The following OCA2 variants were observed in gnomAD, a reference collection of about 807,000 sequenced individuals.
The protein encoded by OCA2 is P protein.
OCA2 carries 77 observed loss-of-function variants against 100.2 expected under a neutral mutation model. That is an observed-to-expected ratio of 0.77 (90% confidence interval 0.64 to 0.93). The LOEUF (loss-of-function observed/expected upper bound fraction) is 0.93. OCA2 is among the 40% of genes least tolerant of loss of function. The probability of loss-of-function intolerance (pLI) is 0.00; values close to 1 mark genes in which losing one functional copy is unlikely to be tolerated. For missense variants in OCA2, 1,062 were observed against 1,089.1 expected (o/e 0.98, Z 0.35); for synonymous variants, 432 against 439.2 (o/e 0.98, Z 0.21).
chr15:28,030,960 GA>G (rs2042892126), intron 3 of OCA2, among the ~76,000 whole-genome samples: 1 of 152,168 alleles, frequency 6.6e-6, no homozygotes. Flanking sequence ...GGGCACGAGA[GA>G]AGACCCCTTC....
intron 2 of OCA2, among the ~76,000 whole-genome samples, chr15:28,039,149 A>G (rs2043130042): frequency 8.1e-6 from 1 of 123,962 alleles, no homozygotes; most frequent in Non-Finnish European, 1.5e-5. Context: ...TTAGAGCTCC[A>G]AAATATATGA....
At chr15:28,036,258 A>G (rs1712334589) in intron 2 of OCA2, among the ~76,000 whole-genome samples, 1 of 152,190 alleles carries the variant, frequency 6.6e-6, no homozygotes, top group African/African-American at 2.4e-5. Context: ...CCTGGTAGAT[A>G]ACTCTTTGTG....
intron 19 of OCA2, among the ~76,000 whole-genome samples, chr15:27,904,346 T>C (rs2038085799): frequency 6.6e-6 from 1 of 152,128 alleles, no homozygotes; most frequent in Admixed American, 6.5e-5. Flanking sequence ...CTCCCGACCA[T>C]GCTGGGGCCT....
intron 23 of OCA2, among the ~76,000 whole-genome samples, chr15:27,767,266 G>A (rs1045931312): frequency 1.3e-5 from 2 of 151,744 alleles, no homozygotes; most frequent in African/African-American, 4.8e-5. Context: ...CTGGCCTAAA[G>A]AGTTCCCTTC....
At chr15:27,992,388 C>A (rs1341121581) in intron 9 of OCA2, among the ~76,000 whole-genome samples, 8 of 152,214 alleles carry the variant, frequency 5.3e-5, no homozygotes, top group African/African-American at 1.9e-4. Flanking sequence ...GCATGAGCCA[C>A]CGCGCCCAGC....
the OCA2 span, among the ~76,000 whole-genome samples, chr15:27,723,681 T>C: frequency 2.6e-5 from 4 of 152,138 alleles, no homozygotes; most frequent in African/African-American, 9.7e-5. Flanking sequence ...CCTCCGCCCA[T>C]CCTTGGTGAG....
At chr15:27,953,592 G>T (rs1458047282) in intron 17 of OCA2, among the ~76,000 whole-genome samples, 1 of 152,218 alleles carries the variant, frequency 6.6e-6, no homozygotes, top group African/African-American at 2.4e-5. Flanking sequence ...ACAGAAAGTG[G>T]CTATTGCCAC....
chr15:27,825,567 G>A (rs1210557577), intron 23 of OCA2, among the ~76,000 whole-genome samples: 1 of 152,138 alleles, frequency 6.6e-6, no homozygotes, highest in African/African-American at 2.4e-5. Flanking sequence ...GTGATGGTGT[G>A]GGTCACAGGC....
At chr15:27,897,435 C>T (rs1027165508) in intron 19 of OCA2, among the ~76,000 whole-genome samples, 4 of 152,154 alleles carry the variant, frequency 2.6e-5, no homozygotes, top group Non-Finnish European at 4.4e-5. Flanking sequence ...CCAGCCATGG[C>T]TAAAAGGAGC....
At chr15:27,859,694 T>C (rs1022208239) in intron 21 of OCA2, among the ~76,000 whole-genome samples, 4 of 152,154 alleles carry the variant, frequency 2.6e-5, no homozygotes, top group African/African-American at 9.7e-5. Flanking sequence ...ACCCTGATAC[T>C]AAGTCAGACA....
At chr15:28,005,182 C>A (rs1179292744) in intron 9 of OCA2, among the ~76,000 whole-genome samples, 2 of 152,126 alleles carry the variant, frequency 1.3e-5, no homozygotes, top group Non-Finnish European at 1.5e-5. Context: ...TCAGCACCCC[C>A]ACTTCCCCTC....
chr15:28,001,501 G>T (rs1264494385), intron 9 of OCA2, among the ~76,000 whole-genome samples: 2 of 152,158 alleles, frequency 1.3e-5, no homozygotes, highest in Non-Finnish European at 2.9e-5. Flanking sequence ...GGGCACTGGG[G>T]CAGTGTGGTC....
At chr15:28,096,425 G>A (rs2044984655) in intron 1 of OCA2, among the ~76,000 whole-genome samples, 2 of 152,240 alleles carry the variant, frequency 1.3e-5, no homozygotes, top group Non-Finnish European at 2.9e-5. Flanking sequence ...GCGATGCTGT[G>A]ACCGTTGCAT....
In OCA2 at chr15:28,014,762, G is replaced by A. The variant is rs1351880177; in HGVS notation, c.1044+14C>T. 11 of 1,610,816 alleles carry A rather than the reference G, an allele frequency of 6.8e-6. No individual in the cohort carries two copies. The East Asian group carries it at 2.5e-4, about 36-fold the overall frequency. On this transcript the variant is annotated intron_variant, in intron 9 of 23. Coordinates refer to ENST00000354638, the MANE Select transcript of OCA2 (RefSeq NM_000275.3). ...TGGGCCCAGACAGATCGGGGGAGCA[G>A]GTGTGAAAGTTACCTCAAATATGAT...
At chr15:27,832,883 G>C (rs1053987993) in intron 23 of OCA2, among the ~76,000 whole-genome samples, 3 of 144,168 alleles carry the variant, frequency 2.1e-5, no homozygotes, top group Non-Finnish European at 4.5e-5. Flanking sequence ...CACGATCTCG[G>C]GTCACTGCAC....
chr15:27,931,046 A>G (rs1056136973), intron 18 of OCA2, among the ~76,000 whole-genome samples: 32 of 152,164 alleles, frequency 2.1e-4, no homozygotes, highest in African/African-American at 7.5e-4. Flanking sequence ...AGAGCTAGCC[A>G]TCTCCCACTT....
At chr15:28,066,387 G>A (rs866781047) in intron 2 of OCA2, among the ~76,000 whole-genome samples, 1 of 152,006 alleles carries the variant, frequency 6.6e-6, no homozygotes, top group East Asian at 1.9e-4. Context: ...AAACCTAAAC[G>A]ATCAGTTCAA....
intron 19 of OCA2, among the ~76,000 whole-genome samples, chr15:27,877,905 C>A (rs2036856613): frequency 6.6e-6 from 1 of 151,432 alleles, no homozygotes; most frequent in South Asian, 2.1e-4. Flanking sequence ...TTTTTTTATT[C>A]ATTTCTGTGC....
chr15:28,047,513 C>T (rs560572368), intron 2 of OCA2, among the ~76,000 whole-genome samples: 1 of 152,196 alleles, frequency 6.6e-6, no homozygotes. Context: ...CTTCTTCCCC[C>T]ACTTGTTATG....
Sources: allele counts gnomAD v4.1 joint callset (sites outside exome capture counted in the v4.1 genomes callset), GRCh38; gene constraint gnomAD v4.1.1; transcripts MANE v1.5; gene names NCBI Gene and HGNC (gene_info 2026-07-23, HGNC 2026-07-21).